Variants in ARHGEF11 observed in about 807,000 individuals in gnomAD.
ARHGEF11 encodes Rho guanine nucleotide exchange factor 11, also known as Rho guanine exchange factor (GEF) 11.
A neutral mutation model predicts 193.7 loss-of-function variants in ARHGEF11; 55 were observed. That is an observed-to-expected ratio of 0.28 (90% CI 0.23 to 0.36). The LOEUF (loss-of-function observed/expected upper bound fraction) is 0.36, where lower values mean the gene tolerates loss of function less well. Ranked by LOEUF, ARHGEF11 falls within the 10% of genes least tolerant of loss-of-function variation. The probability of loss-of-function intolerance (pLI) is 1.00; values close to 1 mark genes in which losing one functional copy is unlikely to be tolerated. For missense variants in ARHGEF11, 1,723 were observed against 2,005.6 expected (o/e 0.86, Z 2.69); for synonymous variants, 693 against 768.0 (o/e 0.90, Z 1.62).
At chr1:156,949,145 C>T in intron 22 of ARHGEF11, 1 of 982,414 alleles carries the variant, frequency 1.0e-6, no homozygotes. Context: ...GATTCCATTT[C>T]CTCTCAAGAG....
Position 156,943,996 on chromosome 1 carries a change from G to A in ARHGEF11, c.3174C>T (p.Ser1058=). 1 of 1,614,202 alleles carries A rather than the reference G, an allele frequency of 6.2e-7. No homozygotes were observed. Among genetic ancestry groups the A allele is most frequent in the Non-Finnish European group, 8.5e-7 (1 of 1,180,022 alleles). ...HSKTAVGSSD[S]KQTFSPVLKL... ...TGAGCACGGGGCTGAAGGTCTGCTT[G>A]CTGTCTGAGGAGCCCACAGCAGTCT... Residue 1058 remains serine, a synonymous_variant, in exon 32 of 41, where the codon AGC becomes AGT. Transcript: ENST00000368194.
chr1:156,975,065 T>C (rs573279712), intron 7 of ARHGEF11, among the ~76,000 whole-genome samples: 1 of 152,360 alleles, frequency 6.6e-6, no homozygotes, highest in African/African-American at 2.4e-5. Flanking sequence ...TATTGCTGTG[T>C]TTCATGTTCT....
At chr1:156,960,368 G>C in intron 15 of ARHGEF11, 50 bp downstream of exon 15, 2 of 1,599,256 alleles carry the variant, frequency 1.3e-6, no homozygotes, top group Non-Finnish European at 1.7e-6. Flanking sequence ...TGAGAGCTCA[G>C]GACAAGAAAG....
intron 1 of ARHGEF11, among the ~76,000 whole-genome samples, chr1:157,018,366 G>A (rs913879911): frequency 2.0e-5 from 3 of 152,094 alleles, no homozygotes; most frequent in Admixed American, 1.3e-4. Flanking sequence ...AAGACCAGCC[G>A]GGCGCGGTGG....
In ARHGEF11 at chr1:156,942,721, G is replaced by A; in HGVS notation, c.3295C>T (p.Leu1099=). 1 of 1,614,170 alleles carries A rather than the reference G, an allele frequency of 6.2e-7. No individual in the cohort carries two copies. Among genetic ancestry groups the A allele is most frequent in the Non-Finnish European group, 8.5e-7 (1 of 1,179,986 alleles). ...TTGTCTGATGACGTCAATGCAACCA[G>A]CTCATAGATCTGGGGTGGGCCCAGC... ...SKLGPPQIYE[L]VALTSSDKNT... The change falls in exon 33 of 41, where the codon CTG becomes TTG. Residue 1099 remains leucine, a synonymous_variant. Transcript: ENST00000368194.
At chr1:156,985,923 G>T in intron 2 of ARHGEF11, 159 bp downstream of exon 2, 1 of 580,208 alleles carries the variant, frequency 1.7e-6, no homozygotes, top group Non-Finnish European at 3.0e-6. Context: ...TCATCATATT[G>T]ATGCTGAACT....
chr1:156,942,045 C>T, intron 33 of ARHGEF11, 56 bp from the exon 34 acceptor site: 1 of 1,611,950 alleles, frequency 6.2e-7, no homozygotes, highest in Non-Finnish European at 8.5e-7. Flanking sequence ...GCAGCACGCA[C>T]CACCCCGTAC....
chr1:156,972,724 T>C (rs1325533725), intron 7 of ARHGEF11, among the ~76,000 whole-genome samples: 1 of 152,224 alleles, frequency 6.6e-6, no homozygotes, highest in Non-Finnish European at 1.5e-5. Context: ...CCTTGGCAGA[T>C]AATACCATCT....
chr1:157,044,276 A>G (rs1351512555), intron 1 of ARHGEF11, 23 bp downstream of exon 1: 1 of 1,611,732 alleles, frequency 6.2e-7, no homozygotes, highest in African/African-American at 1.3e-5. Flanking sequence ...AATGTTGAAA[A>G]ATCAAATTAT....
chr1:156,968,221 A>G, intron 10 of ARHGEF11, 97 bp from the exon 11 acceptor site: 1 of 1,382,750 alleles, frequency 7.2e-7, no homozygotes, highest in Non-Finnish European at 9.8e-7. Flanking sequence ...TACTTATAAC[A>G]TCAGCTAAGA....
intron 8 of ARHGEF11, among the ~76,000 whole-genome samples, chr1:156,971,253 G>A (rs1451637878): frequency 6.6e-6 from 1 of 152,202 alleles, no homozygotes; most frequent in Admixed American, 6.5e-5. Context: ...GGTCTTTTAT[G>A]TAGTCTGACT....
At chr1:157,021,064 T>C (rs774298869) in intron 1 of ARHGEF11, among the ~76,000 whole-genome samples, 1 of 152,234 alleles carries the variant, frequency 6.6e-6, no homozygotes, top group Non-Finnish European at 1.5e-5. Flanking sequence ...AAAGATTTAA[T>C]GTTGAGATTC....
intron 14 of ARHGEF11, among the ~76,000 whole-genome samples, chr1:156,961,364 G>A (rs1319930078): frequency 3.3e-5 from 5 of 152,230 alleles, no homozygotes; most frequent in East Asian, 3.8e-4. Context: ...TCGGCCTAGG[G>A]ATGGGCAAGG....
chr1:156,943,948 G>A lies in ARHGEF11; in HGVS notation c.3222C>T (p.Arg1074=), dbSNP rs1432701076. The A allele has an allele frequency of 1.2e-6, 2 of 1,613,154 alleles. No individual in the cohort carries two copies. The highest frequency in any genetic ancestry group is 1.7e-6 in the Non-Finnish European group (2 of 1,179,498). The change falls in exon 32 of 41, where the codon CGC becomes CGT. Residue 1074 remains arginine, a synonymous_variant. Transcript: ENST00000368194. ...PVLKLNAVLI[R]SVATDKRAFF... The stretch of plus-strand genomic sequence containing the variant: ...CTCCCCAGGTACCTGTGGCCACAGA[G>A]CGGATGAGCACAGCATTGAGCTTGA...
chr1:156,982,566 C>T (rs1392042119), intron 3 of ARHGEF11, among the ~76,000 whole-genome samples: 1 of 152,166 alleles, frequency 6.6e-6, no homozygotes, highest in Non-Finnish European at 1.5e-5. Flanking sequence ...CACACACACA[C>T]AACTCTCACA....
At chr1:156,936,485 A>G (rs1571102172) in intron 40 of ARHGEF11, among the ~76,000 whole-genome samples, 1 of 75,410 alleles carries the variant, frequency 1.3e-5, no homozygotes, top group Admixed American at 1.5e-4. Flanking sequence ...AAATAGAAAA[A>G]AAAAAAAAAA....
Position 157,014,405 on chromosome 1 carries a change from CTT to C in ARHGEF11, c.33-28234_33-28233del, listed in dbSNP as rs1027665458. Among the ~76,000 whole-genome samples the C allele has an allele frequency of 2.0e-5, 3 of 151,420 alleles. No individual in the cohort carries two copies. In the South Asian group the frequency reaches 6.3e-4, roughly 32 times the overall value. Reference sequence around the variant, plus strand: ...GAAATTTATTCAATTCTCTCTCTCTCTTTTTTTTTCTCCTCTTTTTGAGACAG... The same window carrying C: ...GAAATTTATTCAATTCTCTCTCTCTCTTTTTTTCTCCTCTTTTTGAGACAG... On this transcript the variant is annotated intron_variant, in intron 1 of 40. Coordinates refer to ENST00000368194, the MANE Select transcript of ARHGEF11 (RefSeq NM_198236.3).
intron 17 of ARHGEF11, among the ~76,000 whole-genome samples, chr1:156,958,496 T>C (rs1660290836): frequency 6.6e-6 from 1 of 152,122 alleles, no homozygotes; most frequent in Non-Finnish European, 1.5e-5. Flanking sequence ...GCTTACCACA[T>C]TCCTGGGGCC....
chr1:156,985,102 A>G (rs1664734871), intron 2 of ARHGEF11, among the ~76,000 whole-genome samples: 1 of 152,160 alleles, frequency 6.6e-6, no homozygotes, highest in African/African-American at 2.4e-5. Context: ...GTGAGTGTAT[A>G]CTAGACATCG....
Sources: allele counts gnomAD v4.1 joint callset (sites outside exome capture counted in the v4.1 genomes callset), GRCh38; gene constraint gnomAD v4.1.1; transcripts MANE v1.5; gene names NCBI Gene and HGNC (gene_info 2026-07-23, HGNC 2026-07-21).